The following ADRA1B variants were observed in gnomAD, a reference collection of about 807,000 sequenced individuals.
ADRA1B encodes the protein adrenoceptor alpha 1B, also known as alpha-1B adrenergic receptor.
ADRA1B carries 17 observed loss-of-function variants against 17.9 expected under a neutral mutation model. The ratio of observed to expected loss-of-function variants is 0.95; its 90% CI spans 0.65 to 1.42. The LOEUF (loss-of-function observed/expected upper bound fraction) is 1.42, where lower values mean the gene tolerates loss of function less well. Among genes scored for constraint, ADRA1B ranks in the 40% most tolerant of loss-of-function variants. The pLI is 0.00. For missense variants in ADRA1B, 681 were observed against 722.1 expected (o/e 0.94, Z 0.65); for synonymous variants, 366 against 327.6 (o/e 1.12, Z -1.27).
intron 1 of ADRA1B, among the ~76,000 whole-genome samples, chr5:159,919,131 A>T (rs2113155980): frequency 6.6e-6 from 1 of 152,376 alleles, no homozygotes; most frequent in South Asian, 2.1e-4. Context: ...GATTTTCAAA[A>T]GCCGTCTAAC....
At chr5:159,957,948 A>AAAG (rs1755591859) in intron 1 of ADRA1B, among the ~76,000 whole-genome samples, 1 of 128,350 alleles carries the variant, frequency 7.8e-6, no homozygotes, top group African/African-American at 3.0e-5. Flanking sequence ...AAAAAAAAAA[A>AAAG]AAAAGAAAAG....
chr5:159,906,616 G>A (rs535090188), intron 1 of ADRA1B, among the ~76,000 whole-genome samples: 71 of 152,284 alleles, frequency 4.7e-4, no homozygotes, highest in African/African-American at 1.7e-3. Context: ...GAGCATAGCT[G>A]GCTATGCAGA....
At chr5:159,910,487 C>T (rs538537556) in intron 1 of ADRA1B, among the ~76,000 whole-genome samples, 30 of 152,304 alleles carry the variant, frequency 2.0e-4, no homozygotes, top group Admixed American at 9.8e-4. Flanking sequence ...TCTGGGCCTT[C>T]TGTGTTCTCA....
chr5:159,930,445 A>C (rs1426744058), intron 1 of ADRA1B, among the ~76,000 whole-genome samples: 1 of 152,212 alleles, frequency 6.6e-6, no homozygotes, highest in Non-Finnish European at 1.5e-5. Flanking sequence ...GACTTCCAAC[A>C]TGGCAAAACC....
intron 1 of ADRA1B, among the ~76,000 whole-genome samples, chr5:159,968,161 A>G (rs1755807540): frequency 6.6e-6 from 1 of 152,164 alleles, no homozygotes; most frequent in South Asian, 2.1e-4. Flanking sequence ...GACATATAGC[A>G]AGTTAAATAA....
chr5:159,879,606 T>C (rs1027119343), intron 1 of ADRA1B, among the ~76,000 whole-genome samples: 1 of 152,170 alleles, frequency 6.6e-6, no homozygotes, highest in Admixed American at 6.5e-5. Flanking sequence ...TCTACCTGCA[T>C]GCTGTGTGCA....
At chr5:159,875,733 C>T (rs186151411) in intron 1 of ADRA1B, among the ~76,000 whole-genome samples, 5 of 152,294 alleles carry the variant, frequency 3.3e-5, no homozygotes, top group Admixed American at 3.3e-4. Context: ...TCCAGTTTTG[C>T]ATAGTTCTGC....
intron 1 of ADRA1B, among the ~76,000 whole-genome samples, chr5:159,920,088 C>T (rs957722661): frequency 1.3e-5 from 2 of 152,152 alleles, no homozygotes; most frequent in African/African-American, 4.8e-5. Context: ...GGCCGAACCC[C>T]CAGCAAATAG....
intron 1 of ADRA1B, chr5:159,947,614 C>A: frequency 2.7e-6 from 2 of 728,168 alleles, no homozygotes; most frequent in Non-Finnish European, 3.4e-6. Flanking sequence ...TTTTTCAATA[C>A]ACTGGCTTTC....
At chr5:159,961,017 G>A (rs1755656312) in intron 1 of ADRA1B, among the ~76,000 whole-genome samples, 2 of 152,166 alleles carry the variant, frequency 1.3e-5, no homozygotes, top group African/African-American at 4.8e-5. Flanking sequence ...TGTAATCCAA[G>A]GTTCAAAGGG....
intron 1 of ADRA1B, among the ~76,000 whole-genome samples, chr5:159,942,540 G>T (rs936743064): frequency 2.0e-5 from 3 of 152,090 alleles, no homozygotes; most frequent in Non-Finnish European, 1.5e-5. Context: ...TAAATTGTTG[G>T]CTGGCCACAC....
intron 1 of ADRA1B, among the ~76,000 whole-genome samples, chr5:159,945,690 T>TG (rs1335962037): frequency 9.2e-5 from 14 of 151,764 alleles, no homozygotes; most frequent in South Asian, 4.2e-4. Context: ...TTGAAAATCA[T>TG]GGGGGGGTTT....
At chr5:159,900,322 G>A (rs1754088170) in intron 1 of ADRA1B, among the ~76,000 whole-genome samples, 1 of 152,196 alleles carries the variant, frequency 6.6e-6, no homozygotes, top group South Asian at 2.1e-4. Flanking sequence ...AAATTGAGAA[G>A]CATTGACATC....
chr5:159,923,034 T>C (rs1200047070), intron 1 of ADRA1B, among the ~76,000 whole-genome samples: 1 of 152,238 alleles, frequency 6.6e-6, no homozygotes, highest in East Asian at 1.9e-4. Flanking sequence ...GAGAAGCTAA[T>C]TCAGTGAAGG....
rs1027665081 is a variant in ADRA1B at position 159,951,538 on chromosome 5, C to T, written c.950-20341C>T. Reference sequence around the variant, plus strand: ...GCAGCTGGCAATGCACGAGAAGATGCAGCTGTCTGTCGAACGGGAGGAGCA... The same window carrying T: ...GCAGCTGGCAATGCACGAGAAGATGTAGCTGTCTGTCGAACGGGAGGAGCA... On this transcript the variant is annotated intron_variant, in intron 1 of 1. Coordinates refer to ENST00000306675, the MANE Select transcript of ADRA1B (RefSeq NM_000679.4). 10 of 614,408 alleles carry T rather than the reference C, an allele frequency of 1.6e-5. No individual in the cohort carries two copies. The East Asian group carries it at 3.0e-4, about 18-fold the overall frequency. 38.1% of individuals were successfully genotyped at this position (614,408 alleles called of 1,614,324 possible).
At chr5:159,971,319 C>A (rs903984088) in intron 1 of ADRA1B, among the ~76,000 whole-genome samples, 1 of 152,116 alleles carries the variant, frequency 6.6e-6, no homozygotes, top group Non-Finnish European at 1.5e-5. Flanking sequence ...CAGATTCTTG[C>A]CTCATGATTC....
At chr5:159,984,469 C>T in the ADRA1B span, among the ~76,000 whole-genome samples, 1 of 152,192 alleles carries the variant, frequency 6.6e-6, no homozygotes, top group African/African-American at 2.4e-5. Context: ...CTATTTTGCA[C>T]CACCTCCACT....
intron 1 of ADRA1B, chr5:159,948,063 T>A: frequency 1.0e-6 from 1 of 985,442 alleles, no homozygotes; most frequent in Non-Finnish European, 1.2e-6. Context: ...GAGATTAAAC[T>A]TGGAATCCTG....
rs558575700 is a variant in ADRA1B at position 159,959,190 on chromosome 5, G to T, written c.950-12689G>T. On this transcript the variant is annotated intron_variant, in intron 1 of 1. Transcript: ENST00000306675. The stretch of plus-strand genomic sequence containing the variant: ...CGTGTACTATGGACTCTCTTTGATG[G>T]TAAATAAAAAAGAAGAAGTCTGGAG... 3.0e-4 allele frequency among the ~76,000 whole-genome samples: 45 copies of T among 152,232 alleles called. 2 individuals are homozygous for T. The highest frequency in any genetic ancestry group is 1.0e-3 in the African/African-American group (43 of 41,544).
Sources: gnomAD v4.1 joint callset for allele counts (sites outside exome capture counted in the v4.1 genomes callset) on GRCh38, gnomAD v4.1.1 for gene constraint, MANE v1.5 for transcripts, NCBI Gene and HGNC (gene_info 2026-07-23, HGNC 2026-07-21) for gene names.